The following PDE4DIP variants were observed in gnomAD, a reference collection of about 807,000 sequenced individuals.
The protein encoded by PDE4DIP is myomegalin.
Under a neutral mutation model 221.4 loss-of-function variants are expected in PDE4DIP, and 59 were observed. The ratio of observed to expected loss-of-function variants is 0.27; its 90% CI spans 0.22 to 0.33. PDE4DIP has a LOEUF of 0.33. Among genes scored for constraint, PDE4DIP ranks in the 10% least tolerant of loss-of-function variants. The pLI is 1.00. For synonymous variants in PDE4DIP, 404 were observed against 815.9 expected (o/e 0.50, Z 8.60); for missense variants, 1,036 against 2,154.2 (o/e 0.48, Z 10.28).
intron 21 of PDE4DIP, chr1:148,985,345 G>A (rs2061733291): frequency 6.6e-6 from 1 of 151,898 alleles, no homozygotes; most frequent in Non-Finnish European, 1.5e-5. Flanking sequence ...CAGTTATAAT[G>A]TTTTTTATAT....
intron 1 of PDE4DIP, among the ~76,000 whole-genome samples, chr1:148,820,555 C>CAAAAAAA (rs148261220): frequency 4.8e-4 from 19 of 39,350 alleles, no homozygotes; most frequent in East Asian, 3.4e-3. Context: ...AACTCCATCT[C>CAAAAAAA]AAAAAAAAAA....
intron 22 of PDE4DIP, among the ~76,000 whole-genome samples, chr1:148,996,826 T>A (rs782495421): frequency 6.6e-6 from 1 of 152,188 alleles, no homozygotes; most frequent in South Asian, 2.1e-4. Context: ...ATAAAGCATA[T>A]AATTAATTCT....
chr1:148,930,661 T>C (rs1240734700), intron 2 of PDE4DIP: 1 of 149,840 alleles, frequency 6.7e-6, no homozygotes, highest in Non-Finnish European at 1.5e-5. Context: ...GAAAGATCTC[T>C]ACAAGGAGAA....
intron 21 of PDE4DIP, chr1:148,990,118 A>G (rs1247339778): frequency 5.1e-6 from 3 of 585,548 alleles, no homozygotes; most frequent in East Asian, 1.4e-4. Flanking sequence ...TTATCACAGC[A>G]TACTTACTAC....
chr1:148,828,943 C>T (rs1164083479), intron 1 of PDE4DIP, among the ~76,000 whole-genome samples: 33 of 150,352 alleles, frequency 2.2e-4, no homozygotes, highest in East Asian at 1.4e-3. Flanking sequence ...AATGAATGAA[C>T]GAATGAATGA....
At chr1:148,990,524 C>A (rs1472011983) in intron 21 of PDE4DIP, 1 of 215,558 alleles carries the variant, frequency 4.6e-6, no homozygotes, top group Non-Finnish European at 7.9e-6. Context: ...AGATTTGTCA[C>A]CAGAAGGAAA....
intron 2 of PDE4DIP, chr1:148,929,983 AGG>A (rs1393748501): frequency 2.6e-5 from 4 of 152,004 alleles, no homozygotes; most frequent in African/African-American, 9.7e-5. Flanking sequence ...GATTAAAGTA[AGG>A]GGGAAAAGTT....
intron 2 of PDE4DIP, 112 bp downstream of exon 5, chr1:148,929,385 C>G: frequency 7.0e-7 from 1 of 1,418,750 alleles, no homozygotes; most frequent in South Asian, 1.3e-5. Context: ...AATCCTGTAT[C>G]TGATTCAGGA....
chr1:148,936,717 T>A (rs1181572659), intron 4 of PDE4DIP, among the ~76,000 whole-genome samples: 1 of 152,244 alleles, frequency 6.6e-6, no homozygotes, highest in East Asian at 1.9e-4. Flanking sequence ...TTTTAATTTT[T>A]TTTTTTTACT....
chr1:148,912,197 T>C (rs1383827096), intron 1 of PDE4DIP, among the ~76,000 whole-genome samples: 1 of 145,922 alleles, frequency 6.9e-6, no homozygotes, highest in Admixed American at 6.8e-5. Flanking sequence ...ACAGCATTTA[T>C]GGCCTTCCAA....
chr1:149,023,049 A>C (rs2073612662), intron 37 of PDE4DIP, among the ~76,000 whole-genome samples: 1 of 152,296 alleles, frequency 6.6e-6, no homozygotes, highest in Non-Finnish European at 1.5e-5. Context: ...AGAGTAGATT[A>C]TTTACCAAAG....
At chr1:149,023,806 GCA>G (rs1201255527) in intron 37 of PDE4DIP, among the ~76,000 whole-genome samples, 1 of 141,548 alleles carries the variant, frequency 7.1e-6, no homozygotes, top group Non-Finnish European at 1.5e-5. Flanking sequence ...GTATATGTGT[GCA>G]CATATATATG....
chr1:148,991,472 C>G (rs1553558190), intron 21 of PDE4DIP: 2 of 498,378 alleles, frequency 4.0e-6, no homozygotes, highest in African/African-American at 4.1e-5. Flanking sequence ...CTGAGAGATT[C>G]AGGGCAGCTC....
intron 38 of PDE4DIP, among the ~76,000 whole-genome samples, chr1:149,025,145 G>GCTAT (rs1436732396): frequency 2.0e-5 from 3 of 150,430 alleles, no homozygotes; most frequent in African/African-American, 7.4e-5. Context: ...AGCAGGTTTT[G>GCTAT]CTATCTCTGT....
At chr1:149,030,457 C>T (rs868981635) in intron 43 of PDE4DIP, 179 bp downstream of exon 46, 1 of 984,830 alleles carries the variant, frequency 1.0e-6, no homozygotes, top group Non-Finnish European at 1.2e-6. Context: ...CCCCATCACC[C>T]TCCCACCCCG....
chr1:148,821,529 G>A (rs1669256166), intron 1 of PDE4DIP, among the ~76,000 whole-genome samples: 1 of 150,366 alleles, frequency 6.7e-6, no homozygotes, highest in Admixed American at 6.6e-5. Context: ...TTTCGTTAGA[G>A]AGGAATTAAA....
intron 6 of PDE4DIP, 127 bp downstream of exon 9, chr1:148,960,912 A>C: frequency 1.7e-6 from 1 of 603,574 alleles, no homozygotes; most frequent in Non-Finnish European, 3.0e-6. Context: ...TGCTCTAGGG[A>C]ATATTTCATG....
intron 2 of PDE4DIP, chr1:148,931,430 A>G: frequency 6.4e-6 from 1 of 155,178 alleles, no homozygotes. Flanking sequence ...TTGAACAATG[A>G]AAAACAAATA....
At chr1:148,815,347 G>C (rs1314580263) in intron 1 of PDE4DIP, among the ~76,000 whole-genome samples, 6 of 142,436 alleles carry the variant, frequency 4.2e-5, no homozygotes, top group Non-Finnish European at 9.3e-5. Context: ...TCAGGAGACA[G>C]AGACCATCCT....
Sources: gnomAD v4.1 joint callset for allele counts (sites outside exome capture counted in the v4.1 genomes callset) on GRCh38, gnomAD v4.1.1 for gene constraint, MANE v1.5 for transcripts, NCBI Gene and HGNC (gene_info 2026-07-23, HGNC 2026-07-21) for gene names.